PDZD2: variants seen among roughly 807,000 people sequenced by gnomAD.
PDZD2 encodes the protein PDZ domain-containing protein 2.
A neutral mutation model predicts 220.7 loss-of-function variants in PDZD2; 90 were observed. The observed-to-expected ratio is 0.41, with a 90% CI of 0.34 to 0.49. PDZD2 has a LOEUF of 0.49. Among genes scored for constraint, PDZD2 ranks in the 20% least tolerant of loss-of-function variants. The pLI is 0.28. For synonymous variants in PDZD2, 1,375 were observed against 1,450.5 expected (o/e 0.95, Z 1.18); for missense variants, 3,174 against 3,608.5 (o/e 0.88, Z 3.08).
chr5:31,645,097 A>T lies in PDZD2; in HGVS notation c.-361+5660A>T, dbSNP rs186267670. On this transcript the variant is annotated intron_variant, in intron 1 of 24. Coordinates refer to ENST00000438447, the MANE Select transcript of PDZD2 (RefSeq NM_178140.4). ...TGCCTAGATATCCACAGGAGGATTT[A>T]AAAAATCACAAATTCTTAAGGATCT... 8.3e-4 allele frequency among the ~76,000 whole-genome samples: 126 copies of T among 152,328 alleles called. 1 individual carries two copies. Among genetic ancestry groups the T allele is most frequent in the South Asian group, 1.5e-3 (7 of 4,826 alleles).
chr5:31,834,204 G>T (rs1442072603), intron 2 of PDZD2, among the ~76,000 whole-genome samples: 2 of 152,138 alleles, frequency 1.3e-5, no homozygotes, highest in Admixed American at 6.6e-5. Flanking sequence ...CTTCTTTAAG[G>T]GACCCCACAG....
chr5:31,855,944 G>A (rs1039076624), intron 2 of PDZD2, among the ~76,000 whole-genome samples: 1 of 152,162 alleles, frequency 6.6e-6, no homozygotes, highest in Non-Finnish European at 1.5e-5. Context: ...GGTAACTACA[G>A]CTGTCATCCT....
intron 2 of PDZD2, among the ~76,000 whole-genome samples, chr5:31,870,640 C>A (rs1292742888): frequency 6.6e-6 from 1 of 152,088 alleles, no homozygotes. Flanking sequence ...ATAATCCCAG[C>A]ACTTTGGGAG....
In PDZD2 at chr5:32,108,100, C is replaced by CAGTT. The variant is rs1179207537; in HGVS notation, c.8487_8490dup (p.Leu2831ValfsTer4). ...GAAGTCTGTCCCAGAAGGACCTGTG[C>CAGTT]AGTTATTAATTAGAAAGCATAGGAA... On this transcript the variant is annotated frameshift_variant, in exon 25 of 25. Transcript: ENST00000438447. LOFTEE classifies it high-confidence loss of function. 1 of 1,608,682 alleles carries CAGTT rather than the reference C, an allele frequency of 6.2e-7. No individual in the cohort carries two copies. The highest frequency in any genetic ancestry group is 8.5e-7 in the Non-Finnish European group (1 of 1,176,320).
At chr5:32,038,667 G>A (rs1279176994) in intron 7 of PDZD2, among the ~76,000 whole-genome samples, 1 of 152,096 alleles carries the variant, frequency 6.6e-6, no homozygotes, top group East Asian at 1.9e-4. Context: ...GGTCCCTGAA[G>A]GTGGCATGGG....
chr5:31,676,924 T>G (rs1395888003), intron 1 of PDZD2, among the ~76,000 whole-genome samples: 1 of 150,836 alleles, frequency 6.6e-6, no homozygotes, highest in African/African-American at 2.4e-5. Context: ...AAAAGGGGGG[T>G]TTGGCTTTGA....
At chr5:31,938,911 A>T (rs965905878) in intron 2 of PDZD2, among the ~76,000 whole-genome samples, 6 of 152,230 alleles carry the variant, frequency 3.9e-5, no homozygotes, top group African/African-American at 7.2e-5. Flanking sequence ...AGGCCTCGGT[A>T]TGGAGCCATC....
At chr5:31,643,913 G>T (rs373732089) in intron 1 of PDZD2, among the ~76,000 whole-genome samples, 1 of 151,590 alleles carries the variant, frequency 6.6e-6, no homozygotes, top group Admixed American at 6.6e-5. Context: ...TGACCTCCCC[G>T]GCTCCAGTGA....
At chr5:31,944,879 C>T (rs1037559688) in intron 2 of PDZD2, among the ~76,000 whole-genome samples, 1 of 152,252 alleles carries the variant, frequency 6.6e-6, no homozygotes, top group African/African-American at 2.4e-5. Flanking sequence ...GCAGCAGCTG[C>T]TTGCCTGTAG....
chr5:32,017,902 A>T (rs1310078098), intron 6 of PDZD2, among the ~76,000 whole-genome samples: 1 of 152,206 alleles, frequency 6.6e-6, no homozygotes, highest in African/African-American at 2.4e-5. Flanking sequence ...ACAACCATAA[A>T]GTGTCAGAAC....
intron 2 of PDZD2, among the ~76,000 whole-genome samples, chr5:31,968,185 C>T (rs1370773743): frequency 6.6e-6 from 1 of 152,086 alleles, no homozygotes; most frequent in Non-Finnish European, 1.5e-5. Flanking sequence ...TGGTGAAACC[C>T]CATCTCTACT....
chr5:32,095,720 C>CT (rs375848265), intron 21 of PDZD2, among the ~76,000 whole-genome samples: 1,506 of 126,934 alleles, frequency 0.012, 6 homozygotes, highest in African/African-American at 0.015. Flanking sequence ...GCCTCATTTT[C>CT]TTTTTTTTTT....
At position 32,000,298 on chromosome 5, in the gene PDZD2, C is replaced by G; in HGVS notation, c.1254+27C>G. 6.2e-7 allele frequency: 1 copy of G among 1,612,930 alleles called. No homozygotes were observed. Among genetic ancestry groups the G allele is most frequent in the Non-Finnish European group, 8.5e-7 (1 of 1,179,048 alleles). ...TAGGTCGTGTTTGTTTTTTGGTACTCGTAATGGTGGCAGTGGTGAGTTGGG... is the reference window on the plus strand; with the variant it reads ...TAGGTCGTGTTTGTTTTTTGGTACTGGTAATGGTGGCAGTGGTGAGTTGGG... On this transcript the variant is annotated intron_variant, in intron 5 of 24. Coordinates refer to ENST00000438447, the MANE Select transcript of PDZD2 (RefSeq NM_178140.4). The surrounding 1 kb of genome is among the most constrained non-coding windows in gnomAD (Gnocchi z 4.5).
At chr5:31,912,895 A>G (rs1743331759) in intron 2 of PDZD2, among the ~76,000 whole-genome samples, 1 of 152,196 alleles carries the variant, frequency 6.6e-6, no homozygotes, top group Non-Finnish European at 1.5e-5. Flanking sequence ...TGGGTCCCAC[A>G]TGCTGAGTGC....
chr5:31,644,729 C>T (rs1025648863), intron 1 of PDZD2, among the ~76,000 whole-genome samples: 9 of 150,970 alleles, frequency 6.0e-5, no homozygotes, highest in East Asian at 1.9e-4. Context: ...TACCAGAATG[C>T]GTTCTGAGTG....
At chr5:31,683,072 G>A (rs1034271553) in intron 1 of PDZD2, among the ~76,000 whole-genome samples, 3 of 151,714 alleles carry the variant, frequency 2.0e-5, no homozygotes, top group Admixed American at 6.6e-5. Flanking sequence ...ATTTGCATTC[G>A]GCCCTTAAGT....
At chr5:31,685,790 G>A (rs1293278280) in intron 1 of PDZD2, among the ~76,000 whole-genome samples, 1 of 152,010 alleles carries the variant, frequency 6.6e-6, no homozygotes, top group Non-Finnish European at 1.5e-5. Flanking sequence ...TCCCACAGTG[G>A]GATTACAGGT....
At chr5:32,006,251 CTTA>C (rs894646166) in intron 5 of PDZD2, among the ~76,000 whole-genome samples, 8 of 151,474 alleles carry the variant, frequency 5.3e-5, no homozygotes, top group Non-Finnish European at 7.4e-5. Flanking sequence ...TTACCTTTAG[CTTA>C]TTATTACATA....
At chr5:31,804,043 CAA>C (rs59174858) in intron 2 of PDZD2, among the ~76,000 whole-genome samples, 130 of 130,588 alleles carry the variant, frequency 1.0e-3, no homozygotes, top group South Asian at 3.1e-3. Flanking sequence ...ACCCTGCGTC[CAA>C]AAAAAAAAAA....
Sources: gnomAD v4.1 joint callset for allele counts (sites outside exome capture counted in the v4.1 genomes callset) on GRCh38, gnomAD v4.1.1 for gene constraint, Gnocchi (gnomAD v3.1) non-coding constraint, MANE v1.5 for transcripts, NCBI Gene and HGNC (gene_info 2026-07-23, HGNC 2026-07-21) for gene names.